Variants in IFTAP observed in about 807,000 individuals in gnomAD.
IFTAP encodes the protein intraflagellar transport associated protein.
Under a neutral mutation model 19.4 loss-of-function variants are expected in IFTAP, and 19 were observed. The observed-to-expected ratio is 0.98, with a 90% CI of 0.68 to 1.44. IFTAP has a LOEUF of 1.44. Ranked by LOEUF, IFTAP falls within the 40% of genes most tolerant of loss-of-function variation. IFTAP has a pLI of 0.00. For synonymous variants in IFTAP, 85 were observed against 83.5 expected (o/e 1.02, Z -0.10); for missense variants, 240 against 253.6 (o/e 0.95, Z 0.36).
intron 2 of IFTAP, among the ~76,000 whole-genome samples, chr11:36,632,617 G>T (rs185235590): frequency 6.6e-6 from 1 of 151,214 alleles, no homozygotes; most frequent in Non-Finnish European, 1.5e-5. Flanking sequence ...TTAGTACAAA[G>T]ATATTCATTG....
intron 2 of IFTAP, among the ~76,000 whole-genome samples, chr11:36,615,648 T>C (rs1470192839): frequency 7.8e-6 from 1 of 127,436 alleles, no homozygotes; most frequent in Non-Finnish European, 1.6e-5. Flanking sequence ...CCCTTGTAAG[T>C]TGGATTCCTA....
intron 3 of IFTAP, among the ~76,000 whole-genome samples, chr11:36,635,125 A>C (rs1387110577): frequency 2.0e-5 from 3 of 152,186 alleles, no homozygotes; most frequent in African/African-American, 7.2e-5. Flanking sequence ...ATGGTCTCGC[A>C]AGTAGAGCTG....
rs116196648 is a variant in IFTAP at position 36,635,505 on chromosome 11, C to T, written c.292-546C>T. Among the ~76,000 whole-genome samples the T allele has an allele frequency of 6.2e-3, 947 of 152,196 alleles. 11 individuals carry two copies. Among genetic ancestry groups the T allele is most frequent in the African/African-American group, 0.022 (917 of 41,530 alleles). The stretch of plus-strand genomic sequence containing the variant: ...GAAGTAATTTTCAGTTTTATTTGCT[C>T]GAAAGAGAGAACACTTGAGTTTTTG... On this transcript the variant is annotated intron_variant, in intron 3 of 5. Transcript: ENST00000334307.
At chr11:36,633,828 T>A (rs1316954131) in intron 3 of IFTAP, among the ~76,000 whole-genome samples, 2 of 152,128 alleles carry the variant, frequency 1.3e-5, no homozygotes, top group Non-Finnish European at 2.9e-5. Context: ...TGGAATCGAT[T>A]ATCTTGTTTT....
At chr11:36,633,716 G>A (rs867581828) in intron 3 of IFTAP, among the ~76,000 whole-genome samples, 2 of 152,022 alleles carry the variant, frequency 1.3e-5, no homozygotes, top group Middle Eastern at 3.4e-3. Context: ...ATTTCTTTTA[G>A]CTTGTCTTCT....
chr11:36,608,102 A>G lies in IFTAP; in HGVS notation c.-23-1979A>G, dbSNP rs184258123. On this transcript the variant is annotated intron_variant, in intron 1 of 5. Transcript: ENST00000334307. ...ATACTAAAGTGGTGATATGTCTATG[A>G]TAACTTATTAAATTAAAGCTGTAAA... Among the ~76,000 whole-genome samples the G allele has an allele frequency of 1.4e-3, 208 of 152,320 alleles. 1 individual carries two copies. The highest frequency in any genetic ancestry group is 4.7e-3 in the African/African-American group (195 of 41,566).
chr11:36,622,269 T>G (rs1231276370), intron 2 of IFTAP, among the ~76,000 whole-genome samples: 1 of 152,136 alleles, frequency 6.6e-6, no homozygotes, highest in African/African-American at 2.4e-5. Flanking sequence ...TGAAAACTTC[T>G]TCTAAGAAGT....
intron 2 of IFTAP, among the ~76,000 whole-genome samples, chr11:36,622,246 A>C (rs1463010001): frequency 6.6e-6 from 1 of 151,982 alleles, no homozygotes; most frequent in Non-Finnish European, 1.5e-5. Flanking sequence ...ATGTTATTCT[A>C]CTTTAGAAAG....
intron 4 of IFTAP, 141 bp downstream of exon 4, chr11:36,636,258 T>A: frequency 1.6e-6 from 1 of 642,074 alleles, no homozygotes; most frequent in South Asian, 2.0e-5. Flanking sequence ...GAGCTATTTT[T>A]TTCAGTAACA....
chr11:36,649,350 T>C (rs1221215660), intron 5 of IFTAP, among the ~76,000 whole-genome samples: 1 of 152,144 alleles, frequency 6.6e-6, no homozygotes, highest in Non-Finnish European at 1.5e-5. Context: ...CAGCCACTTT[T>C]CAATATGCTT....
intron 2 of IFTAP, among the ~76,000 whole-genome samples, chr11:36,610,909 T>C (rs1851855871): frequency 6.6e-6 from 1 of 152,292 alleles, no homozygotes; most frequent in Non-Finnish European, 1.5e-5. Flanking sequence ...TGTTGTGTTT[T>C]TCATTATTTG....
intron 4 of IFTAP, among the ~76,000 whole-genome samples, chr11:36,640,411 CTT>C (rs950528297): frequency 2.0e-5 from 3 of 152,132 alleles, no homozygotes; most frequent in African/African-American, 7.2e-5. Flanking sequence ...AAGTATACCT[CTT>C]TTTAATGATT....
chr11:36,633,442 A>G lies in IFTAP; in HGVS notation c.291+4A>G, dbSNP rs780809673. 5 of 1,574,432 alleles carry G rather than the reference A, an allele frequency of 3.2e-6. No homozygotes were observed. The highest frequency in any genetic ancestry group is 4.3e-6 in the Non-Finnish European group (5 of 1,162,920). ...ATCACAATGTTTGGAAGAACAGGTA[A>G]TACCAACATAGTACATGTATAGAAA... On this transcript the variant is annotated splice_donor_region_variant and intron_variant, in intron 3 of 5. Transcript: ENST00000334307.
At chr11:36,596,405 A>G (rs1851256369) in intron 1 of IFTAP, among the ~76,000 whole-genome samples, 1 of 152,136 alleles carries the variant, frequency 6.6e-6, no homozygotes, top group East Asian at 1.9e-4. Flanking sequence ...TTATTATCAA[A>G]GTTATGAAAA....
intron 4 of IFTAP, among the ~76,000 whole-genome samples, chr11:36,640,540 T>A (rs1289990834): frequency 6.6e-6 from 1 of 152,186 alleles, no homozygotes; most frequent in Admixed American, 6.5e-5. Context: ...TTTTTCTCTT[T>A]CATGAATCAC....
intron 5 of IFTAP, among the ~76,000 whole-genome samples, chr11:36,657,345 C>A (rs913089791): frequency 6.6e-6 from 1 of 152,184 alleles, no homozygotes; most frequent in Non-Finnish European, 1.5e-5. Flanking sequence ...GTCCCACTGT[C>A]ACTTTGGCTG....
At chr11:36,625,014 C>T (rs966952087) in intron 2 of IFTAP, among the ~76,000 whole-genome samples, 13 of 152,084 alleles carry the variant, frequency 8.5e-5, no homozygotes, top group African/African-American at 3.1e-4. Flanking sequence ...TGGTTGTATA[C>T]ATCCTTTCTG....
chr11:36,641,756 T>A lies in IFTAP; in HGVS notation c.358+5639T>A, dbSNP rs138658081. Reference sequence around the variant, plus strand: ...TGAGAAGAATGTATACTCTGTTGATTTGGGGTGGAGAGTTTTGTAGATGTC... The same window carrying A: ...TGAGAAGAATGTATACTCTGTTGATATGGGGTGGAGAGTTTTGTAGATGTC... On this transcript the variant is annotated intron_variant, in intron 4 of 5. Coordinates refer to ENST00000334307, the MANE Select transcript of IFTAP (RefSeq NM_138787.4). Among the ~76,000 whole-genome samples, 299 of 152,276 alleles carry A rather than the reference T, an allele frequency of 2.0e-3. 1 individual carries two copies. Among genetic ancestry groups the A allele is most frequent in the African/African-American group, 6.6e-3 (275 of 41,542 alleles).
At chr11:36,623,004 A>C (rs546313318) in intron 2 of IFTAP, among the ~76,000 whole-genome samples, 1 of 152,234 alleles carries the variant, frequency 6.6e-6, no homozygotes, top group Admixed American at 6.5e-5. Flanking sequence ...TCATCAGGCA[A>C]ATGTATTTAC....
Sources: gnomAD v4.1 joint callset for allele counts (sites outside exome capture counted in the v4.1 genomes callset) on GRCh38, gnomAD v4.1.1 for gene constraint, MANE v1.5 for transcripts, NCBI Gene and HGNC (gene_info 2026-07-23, HGNC 2026-07-21) for gene names.